ABI2: variants seen among roughly 807,000 people sequenced by gnomAD.
ABI2 encodes abl interactor 2.
ABI2 carries 25 observed loss-of-function variants against 59.2 expected under a neutral mutation model. That is an observed-to-expected ratio of 0.42 (90% CI 0.31 to 0.59). The LOEUF (loss-of-function observed/expected upper bound fraction) is 0.59. Among genes scored for constraint, ABI2 ranks in the 20% least tolerant of loss-of-function variants. The pLI is 0.14. For missense variants in ABI2, 545 were observed against 681.8 expected (o/e 0.80, Z 2.23); for synonymous variants, 213 against 235.5 (o/e 0.90, Z 0.87).
chr2:203,373,297 C>T (rs1424976167), intron 2 of ABI2, among the ~76,000 whole-genome samples: 1 of 152,218 alleles, frequency 6.6e-6, no homozygotes, highest in Non-Finnish European at 1.5e-5. Context: ...CCCGTCTCCA[C>T]CAAAAAAGTA....
chr2:203,412,836 GCATCCAAA>G (rs2097733493), intron 10 of ABI2, among the ~76,000 whole-genome samples: 1 of 152,300 alleles, frequency 6.6e-6, no homozygotes, highest in Admixed American at 6.5e-5. Flanking sequence ...AATGTCTGCT[GCATCCAAA>G]CAGGATAAAT....
intron 3 of ABI2, among the ~76,000 whole-genome samples, chr2:203,380,751 C>G (rs111289662): frequency 5.9e-5 from 9 of 152,174 alleles, no homozygotes; most frequent in African/African-American, 2.2e-4. Flanking sequence ...TATCAGCAGA[C>G]TTTTGGCATT....
chr2:203,364,822 C>G (rs1252247593), intron 1 of ABI2, among the ~76,000 whole-genome samples: 1 of 150,472 alleles, frequency 6.6e-6, no homozygotes, highest in African/African-American at 2.4e-5. Context: ...GCATCTTTGG[C>G]TTCTGGGCTC....
chr2:203,333,097 A>G (rs2074672774), intron 1 of ABI2, among the ~76,000 whole-genome samples: 1 of 152,168 alleles, frequency 6.6e-6, no homozygotes, highest in South Asian at 2.1e-4. Flanking sequence ...TTACAAGGGA[A>G]TATTATCAGT....
chr2:203,357,871 C>T (rs1233738392), intron 1 of ABI2, among the ~76,000 whole-genome samples: 2 of 151,904 alleles, frequency 1.3e-5, no homozygotes, highest in African/African-American at 2.4e-5. Context: ...TGGCTTCAAA[C>T]GATTCTCCTG....
At chr2:203,342,027 A>G (rs2080233734) in intron 1 of ABI2, among the ~76,000 whole-genome samples, 1 of 152,036 alleles carries the variant, frequency 6.6e-6, no homozygotes, top group Admixed American at 6.6e-5. Flanking sequence ...TTTACCTCTG[A>G]CTCTGCTAAA....
intron 11 of ABI2, among the ~76,000 whole-genome samples, chr2:203,422,184 G>C (rs563224543): frequency 6.6e-6 from 1 of 152,216 alleles, no homozygotes; most frequent in Admixed American, 6.5e-5. Flanking sequence ...TGTAGTTCCA[G>C]CTACTCTGGA....
At position 203,428,310 on chromosome 2, in the gene ABI2, T is replaced by C. The variant is rs1332030286; in HGVS notation, c.*958T>C. The stretch of plus-strand genomic sequence containing the variant: ...TTTCCTTCACTATCTAGAAAAACGC[T>C]ATTCTACTTTGGAAGAGAATAGTAG... On this transcript the variant is annotated 3_prime_UTR_variant, in exon 12 of 12. Coordinates refer to ENST00000261018, the MANE Select transcript of ABI2 (RefSeq NM_001375670.1). 1.3e-5 allele frequency: 2 copies of C among 152,594 alleles called. No homozygotes were observed. Among genetic ancestry groups the C allele is most frequent in the African/African-American group, 4.8e-5 (2 of 41,432 alleles). 9.5% of individuals were successfully genotyped at this position (152,594 alleles called of 1,614,324 possible). A position where few individuals can be genotyped will look rare whatever the true frequency, so the allele number is the denominator to read the frequency against.
chr2:203,426,094 A>G (rs1457679929), intron 11 of ABI2, among the ~76,000 whole-genome samples: 1 of 152,084 alleles, frequency 6.6e-6, no homozygotes, highest in East Asian at 1.9e-4. Context: ...TAAGGAAGCT[A>G]TTTAATTTTT....
At chr2:203,356,256 TG>T (rs2091916588) in intron 1 of ABI2, among the ~76,000 whole-genome samples, 1 of 152,176 alleles carries the variant, frequency 6.6e-6, no homozygotes, top group South Asian at 2.1e-4. Context: ...GTTGCAATCA[TG>T]GCTCACTACG....
intron 4 of ABI2, among the ~76,000 whole-genome samples, chr2:203,384,309 T>TGTTTTTTTTTTG (rs1559289603): frequency 2.9e-5 from 4 of 140,308 alleles, no homozygotes; most frequent in African/African-American, 1.1e-4. Flanking sequence ...TTTTTTTTTT[T>TGTTTTTTTTTTG]TTTTTTTTTT....
chr2:203,370,113 A>G (rs1273374805), intron 2 of ABI2, among the ~76,000 whole-genome samples: 1 of 150,988 alleles, frequency 6.6e-6, no homozygotes, highest in Non-Finnish European at 1.5e-5. Context: ...GATGGTAACT[A>G]TTTTAGGTTT....
Position 203,395,727 on chromosome 2 carries a change from G to A in ABI2, c.797G>A (p.Ser266Asn). ...SSSRENSGSG[S>N]VGVPIAVPTP... ...AGTCGAGAGAACAGTGGAAGTGGTAGTGTGGGGGTTCCTATTGCTGTTCCT... is the reference window on the plus strand; with the variant it reads ...AGTCGAGAGAACAGTGGAAGTGGTAATGTGGGGGTTCCTATTGCTGTTCCT... Residue 266 changes from serine (S) to asparagine (N), a missense_variant, in exon 7 of 12, where the codon AGT (serine) becomes AAT (asparagine). By Grantham distance (46) the Ser-to-Asn change is conservative. Coordinates refer to ENST00000261018, the MANE Select transcript of ABI2 (RefSeq NM_001375670.1). 6.2e-7 allele frequency: 1 copy of A among 1,611,758 alleles called. No individual in the cohort carries two copies. Among genetic ancestry groups the A allele is most frequent in the Non-Finnish European group, 8.5e-7 (1 of 1,179,030 alleles).
chr2:203,359,086 T>C (rs1301278659), intron 1 of ABI2, among the ~76,000 whole-genome samples: 9 of 152,174 alleles, frequency 5.9e-5, no homozygotes, highest in Admixed American at 5.9e-4. Context: ...AAAATCACTG[T>C]GGGCCTAAAA....
At chr2:203,370,194 C>CTG (rs2094999586) in intron 2 of ABI2, among the ~76,000 whole-genome samples, 1 of 83,984 alleles carries the variant, frequency 1.2e-5, no homozygotes, top group African/African-American at 5.0e-5. Flanking sequence ...TATTCTCTCT[C>CTG]TCTCTCTCTC....
At chr2:203,371,912 C>A (rs915626373) in intron 2 of ABI2, among the ~76,000 whole-genome samples, 31 of 151,394 alleles carry the variant, frequency 2.0e-4, no homozygotes, top group Middle Eastern at 3.4e-3. Flanking sequence ...TTTCTTTTTT[C>A]TTTTTATTTT....
rs529386222 is a variant in ABI2, at chr2:203,378,494, G to A, written c.286-1714G>A. 8.5e-5 allele frequency among the ~76,000 whole-genome samples: 13 copies of A among 152,212 alleles called. No individual in the cohort carries two copies. In the South Asian group the frequency reaches 1.7e-3, roughly 19 times the overall value. On this transcript the variant is annotated intron_variant, in intron 2 of 11. Transcript: ENST00000261018. ...TATTTGATGTTCCATTTATACATTC[G>A]TTAGCTCTGGAACATATAGATCCTG... is the stretch of plus-strand genomic sequence containing the variant.
chr2:203,371,322 C>T (rs576531600), intron 2 of ABI2, among the ~76,000 whole-genome samples: 59 of 152,188 alleles, frequency 3.9e-4, no homozygotes, highest in African/African-American at 1.3e-3. Flanking sequence ...TACTCTGTAT[C>T]GGGGAGAAAT....
intron 1 of ABI2, among the ~76,000 whole-genome samples, 195 bp from the exon 2 acceptor site, chr2:203,366,682 T>C (rs532901337): frequency 6.9e-4 from 105 of 152,364 alleles, no homozygotes; most frequent in African/African-American, 2.4e-3. Flanking sequence ...CTATTCAACA[T>C]GAAAACATTA....
Sources: allele counts gnomAD v4.1 joint callset (sites outside exome capture counted in the v4.1 genomes callset), GRCh38; gene constraint gnomAD v4.1.1; transcripts MANE v1.5; gene names NCBI Gene and HGNC (gene_info 2026-07-23, HGNC 2026-07-21).